Variants in IL1RAPL1 observed in about 807,000 individuals in gnomAD.
The protein encoded by IL1RAPL1 is interleukin-1 receptor accessory protein-like 1.
Under a neutral mutation model 48.4 loss-of-function variants are expected in IL1RAPL1, and 3 were observed. The observed-to-expected ratio is 0.06, with a 90% CI of 0.03 to 0.16. IL1RAPL1 has a LOEUF of 0.16. Ranked by LOEUF, IL1RAPL1 falls within the 10% of genes least tolerant of loss-of-function variation. The pLI is 1.00. For missense variants in IL1RAPL1, 349 were observed against 530.6 expected, an observed-to-expected ratio of 0.66 and a Z score of 3.36; for synonymous variants, 185 against 187.7, an observed-to-expected ratio of 0.99 and a Z score of 0.12.
At chrX:28,938,601 C>T (rs1419142277) in intron 2 of IL1RAPL1, among the ~76,000 whole-genome samples, 3 of 110,896 alleles carry the variant, frequency 2.7e-5, no homozygotes, top group East Asian at 2.8e-4. Context: ...CCATTCTGGA[C>T]GTAGGAATAG....
intron 6 of IL1RAPL1, among the ~76,000 whole-genome samples, chrX:29,759,787 T>A (rs1040949640): frequency 5.1e-4 from 57 of 111,971 alleles, no homozygotes; most frequent in African/African-American, 1.5e-3. Context: ...GAATAATTGA[T>A]AGATAATTAC....
intron 2 of IL1RAPL1, among the ~76,000 whole-genome samples, chrX:28,872,251 G>A (rs996156427): frequency 3.6e-5 from 4 of 111,158 alleles, no homozygotes; most frequent in African/African-American, 1.3e-4. Flanking sequence ...AACCCCTGGG[G>A]TCAAGCATCC....
At position 29,047,554 on chromosome X, in the gene IL1RAPL1, A is replaced by G. The variant is rs191358256; in HGVS notation, c.83-235384A>G. 6.9e-4 allele frequency among the ~76,000 whole-genome samples: 77 copies of G among 111,923 alleles called. 1 individual carries two copies. In the East Asian group the frequency reaches 0.014, roughly 20 times the overall value. On this transcript the variant is annotated intron_variant, in intron 2 of 10. Transcript: ENST00000378993. The stretch of plus-strand genomic sequence containing the variant: ...TTGGCATTTTCAAAATGGCAAAGAC[A>G]TCTGTTGCTAAAAGTCTCTGACTGG...
At chrX:29,571,212 G>A (rs1922586599) in intron 5 of IL1RAPL1, among the ~76,000 whole-genome samples, 1 of 108,122 alleles carries the variant, frequency 9.2e-6, no homozygotes, top group Non-Finnish European at 1.9e-5. Flanking sequence ...ACAGAGTGAA[G>A]ACTCCGTCTC....
chrX:28,973,156 T>A (rs1925125838), intron 2 of IL1RAPL1, among the ~76,000 whole-genome samples: 1 of 112,026 alleles, frequency 8.9e-6, no homozygotes, highest in Non-Finnish European at 1.9e-5. Flanking sequence ...ACCAATCTCA[T>A]TTTTGTAGTT....
chrX:29,607,536 C>T (rs930261439), intron 5 of IL1RAPL1, among the ~76,000 whole-genome samples: 1 of 111,918 alleles, frequency 8.9e-6, no homozygotes, highest in Non-Finnish European at 1.9e-5. Flanking sequence ...TGACGTGAAG[C>T]CTCCTGGGGG....
chrX:29,062,128 T>A (rs1443774977), intron 2 of IL1RAPL1, among the ~76,000 whole-genome samples: 1 of 112,353 alleles, frequency 8.9e-6, no homozygotes, highest in African/African-American at 3.2e-5. Flanking sequence ...AGACACTGAC[T>A]TCCATTTCCT....
At chrX:29,584,781 T>C (rs1355555586) in intron 5 of IL1RAPL1, among the ~76,000 whole-genome samples, 1 of 111,795 alleles carries the variant, frequency 8.9e-6, no homozygotes, top group Non-Finnish European at 1.9e-5. Context: ...TCTTGGCTCC[T>C]GGACTCAAGC....
intron 6 of IL1RAPL1, among the ~76,000 whole-genome samples, chrX:29,668,874 T>C (rs1241446874): frequency 9.0e-6 from 1 of 111,625 alleles, no homozygotes. Context: ...TTCTGAAATT[T>C]AGGGGAAAGG....
chrX:29,180,686 A>G (rs1437180812), intron 2 of IL1RAPL1, among the ~76,000 whole-genome samples: 1 of 111,524 alleles, frequency 9.0e-6, no homozygotes, highest in African/African-American at 3.3e-5. Context: ...CAGAAACTCA[A>G]TTATTTTTGT....
At chrX:28,634,875 T>C (rs1253708973) in intron 1 of IL1RAPL1, among the ~76,000 whole-genome samples, 2 of 111,879 alleles carry the variant, frequency 1.8e-5, no homozygotes, top group African/African-American at 3.2e-5. Flanking sequence ...CATTTATACC[T>C]ACTTTTCTCA....
intron 2 of IL1RAPL1, among the ~76,000 whole-genome samples, chrX:28,796,199 G>A (rs1936609149): frequency 8.9e-6 from 1 of 111,851 alleles, no homozygotes; most frequent in African/African-American, 3.3e-5. Context: ...AATTGTGGGA[G>A]TTACAGTTTA....
chrX:28,769,727 G>A (rs1306162616), intron 1 of IL1RAPL1, among the ~76,000 whole-genome samples: 1 of 111,380 alleles, frequency 9.0e-6, no homozygotes, highest in African/African-American at 3.3e-5. Flanking sequence ...TTCCCAGTTT[G>A]GAGGTTCTGA....
intron 2 of IL1RAPL1, among the ~76,000 whole-genome samples, chrX:29,066,551 C>T (rs1927454785): frequency 8.9e-6 from 1 of 112,431 alleles, no homozygotes. Flanking sequence ...AGGCCACTGG[C>T]CTACTTCTCT....
intron 3 of IL1RAPL1, among the ~76,000 whole-genome samples, chrX:29,286,600 G>A (rs1932286640): frequency 9.0e-6 from 1 of 111,564 alleles, no homozygotes; most frequent in Admixed American, 9.5e-5. Flanking sequence ...AAGGTGGGAG[G>A]ATTTCTTGAG....
At chrX:29,778,505 G>A (rs1307157658) in intron 6 of IL1RAPL1, among the ~76,000 whole-genome samples, 2 of 111,802 alleles carry the variant, frequency 1.8e-5, no homozygotes, top group African/African-American at 6.5e-5. Context: ...CCAATCTACC[G>A]CAGTCCCTGC....
chrX:29,274,277 G>A (rs1932085453), intron 2 of IL1RAPL1, among the ~76,000 whole-genome samples: 1 of 112,219 alleles, frequency 8.9e-6, no homozygotes, highest in African/African-American at 3.2e-5. Context: ...TTACACATAT[G>A]AATGTAGATT....
At chrX:28,794,613 T>C in intron 2 of IL1RAPL1, among the ~76,000 whole-genome samples, 1 of 111,831 alleles carries the variant, frequency 8.9e-6, no homozygotes, top group East Asian at 2.8e-4. Context: ...AAGGAGTTGA[T>C]CTTCTCTTCA....
At chrX:29,203,722 A>AATATATATATATATATATATATAT (rs56950481) in intron 2 of IL1RAPL1, among the ~76,000 whole-genome samples, 5 of 78,406 alleles carry the variant, frequency 6.4e-5, no homozygotes, top group African/African-American at 2.2e-4. Flanking sequence ...TCCGTCTCAA[A>AATATATATATATATATATATATAT]ATATATATAT....
Sources: allele counts gnomAD v4.1 joint callset (sites outside exome capture counted in the v4.1 genomes callset), GRCh38; gene constraint gnomAD v4.1.1; transcripts MANE v1.5; gene names NCBI Gene and HGNC (gene_info 2026-07-23, HGNC 2026-07-21).